ENTREP1: variants seen among roughly 807,000 people sequenced by gnomAD.
ENTREP1 encodes Friedreich ataxia region gene X123.
At chr9:69,362,042 C>T in the ENTREP1 span, among the ~76,000 whole-genome samples, 1 of 152,114 alleles carries the variant, frequency 6.6e-6, no homozygotes. Context: ...CATTTAAAAC[C>T]TATTAGTGAA....
chr9:69,392,205 C>A, the ENTREP1 span: 37 of 215,674 alleles, frequency 1.7e-4, 2 homozygotes, highest in South Asian at 3.5e-3. Context: ...TTTATAGTTG[C>A]CTTTGGCCTT....
the ENTREP1 span, among the ~76,000 whole-genome samples, chr9:69,354,191 A>T: frequency 6.7e-6 from 1 of 150,108 alleles, no homozygotes; most frequent in African/African-American, 2.4e-5. Context: ...CACTTAGCTG[A>T]TATGTCTCTT....
At chr9:69,356,232 A>G in the ENTREP1 span, among the ~76,000 whole-genome samples, 1 of 152,204 alleles carries the variant, frequency 6.6e-6, no homozygotes, top group African/African-American at 2.4e-5. Context: ...GGAATCATAC[A>G]ATATTCGTCC....
the ENTREP1 span, among the ~76,000 whole-genome samples, chr9:69,373,142 T>A: frequency 1.3e-5 from 2 of 152,196 alleles, no homozygotes; most frequent in African/African-American, 4.8e-5. Flanking sequence ...TTATAAAAGT[T>A]TGGGCAAGCC....
the ENTREP1 span, among the ~76,000 whole-genome samples, chr9:69,344,069 C>T: frequency 2.0e-5 from 3 of 152,216 alleles, no homozygotes; most frequent in African/African-American, 7.2e-5. Context: ...AAAGGAAGCC[C>T]TCTGACCAGT....
the ENTREP1 span, among the ~76,000 whole-genome samples, chr9:69,346,040 G>C: frequency 6.6e-6 from 1 of 151,566 alleles, no homozygotes; most frequent in Non-Finnish European, 1.5e-5. Context: ...GGAGTGCAGT[G>C]GTGGCGATCT....
the ENTREP1 span, among the ~76,000 whole-genome samples, chr9:69,351,274 A>C: frequency 6.6e-6 from 1 of 152,178 alleles, no homozygotes; most frequent in Admixed American, 6.5e-5. Context: ...CTGAAGTTAC[A>C]TGAAGTTATG....
chr9:69,324,813 G>T, the ENTREP1 span: 1 of 985,200 alleles, frequency 1.0e-6, no homozygotes, highest in African/African-American at 1.7e-5. Context: ...CTCTCTCGTG[G>T]CTGGACAGAG....
chr9:69,377,061 A>AT, the ENTREP1 span, among the ~76,000 whole-genome samples: 1 of 152,330 alleles, frequency 6.6e-6, no homozygotes, highest in Non-Finnish European at 1.5e-5. Context: ...CCTGGAAGGA[A>AT]TGTTTCTCGA....
chr9:69,385,884 G>C, the ENTREP1 span: 1 of 1,609,898 alleles, frequency 6.2e-7, no homozygotes, highest in Non-Finnish European at 8.5e-7. Context: ...AAGCCGGAGA[G>C]CCCTCCCACC....
At chr9:69,335,496 T>C in the ENTREP1 span, among the ~76,000 whole-genome samples, 1 of 152,062 alleles carries the variant, frequency 6.6e-6, no homozygotes, top group African/African-American at 2.4e-5. Context: ...AGGAGCCTGG[T>C]TGGCCTGAGG....
chr9:69,326,294 G>A, the ENTREP1 span, among the ~76,000 whole-genome samples: 1 of 152,144 alleles, frequency 6.6e-6, no homozygotes, highest in Non-Finnish European at 1.5e-5. Flanking sequence ...GGGTGTGTGT[G>A]AACTGGCGCT....
chr9:69,385,132 G>A, the ENTREP1 span, among the ~76,000 whole-genome samples: 1 of 152,060 alleles, frequency 6.6e-6, no homozygotes, highest in Non-Finnish European at 1.5e-5. Flanking sequence ...TGTTGGCCAG[G>A]CAGGTCTTGA....
At chr9:69,377,082 A>C in the ENTREP1 span, among the ~76,000 whole-genome samples, 6 of 152,218 alleles carry the variant, frequency 3.9e-5, no homozygotes, top group Non-Finnish European at 7.3e-5. Context: ...CAGTATTCTG[A>C]TGCTTGCAAA....
At chr9:69,383,114 A>G in the ENTREP1 span, 1 of 985,184 alleles carries the variant, frequency 1.0e-6, no homozygotes, top group Non-Finnish European at 1.2e-6. Flanking sequence ...AGAGTCATGT[A>G]GAATGTAAGA....
the ENTREP1 span, chr9:69,388,268 C>T: frequency 1.9e-5 from 30 of 1,614,022 alleles, no homozygotes; most frequent in Admixed American, 8.3e-5. Flanking sequence ...ATGCAGACCG[C>T]GGTCTTTGAT....
chr9:69,365,475 A>G, the ENTREP1 span, among the ~76,000 whole-genome samples: 6 of 152,160 alleles, frequency 3.9e-5, no homozygotes, highest in Non-Finnish European at 7.4e-5. Flanking sequence ...AAATCAGGGT[A>G]TTTAGGATAT....
the ENTREP1 span, among the ~76,000 whole-genome samples, chr9:69,358,533 A>G: frequency 6.6e-6 from 1 of 152,190 alleles, no homozygotes; most frequent in East Asian, 1.9e-4. Flanking sequence ...CAGTATCAAA[A>G]GGCTGCATAT....
the ENTREP1 span, among the ~76,000 whole-genome samples, chr9:69,340,702 T>TATGTGTGTGTGC: frequency 2.2e-5 from 3 of 138,446 alleles, no homozygotes; most frequent in African/African-American, 6.2e-5. Flanking sequence ...TGTATGTGTG[T>TATGTGTGTGTGC]GTGTATGTGT....
Sources: gnomAD v4.1 joint callset for allele counts (sites outside exome capture counted in the v4.1 genomes callset) on GRCh38, gnomAD v4.1.1 for gene constraint, MANE v1.5 for transcripts, NCBI Gene and HGNC (gene_info 2026-07-23, HGNC 2026-07-21) for gene names.